Variants in GRIP1 observed in about 807,000 individuals in gnomAD.
GRIP1 encodes glutamate receptor-interacting protein 1.
Under a neutral mutation model 129.9 loss-of-function variants are expected in GRIP1, and 45 were observed. The observed-to-expected ratio is 0.35, with a 90% CI of 0.27 to 0.44. The LOEUF (loss-of-function observed/expected upper bound fraction) is 0.44. Ranked by LOEUF, GRIP1 falls within the 20% of genes least tolerant of loss-of-function variation. GRIP1 has a pLI of 1.00. For missense variants in GRIP1, 1,196 were observed against 1,396.8 expected (o/e 0.86, Z 2.29); for synonymous variants, 530 against 520.8 (o/e 1.02, Z -0.24).
intron 1 of GRIP1, among the ~76,000 whole-genome samples, chr12:66,687,111 A>G (rs1397530911): frequency 6.6e-6 from 1 of 152,222 alleles, no homozygotes; most frequent in East Asian, 1.9e-4. Flanking sequence ...AAACCACTAC[A>G]ATAAAGCCTC....
intron 22 of GRIP1, among the ~76,000 whole-genome samples, chr12:66,374,889 C>T (rs977060876): frequency 2.6e-5 from 4 of 151,972 alleles, no homozygotes; most frequent in Admixed American, 1.3e-4. Context: ...AAAGGTAAAA[C>T]AAATATAAAA....
intron 5 of GRIP1, among the ~76,000 whole-genome samples, chr12:66,525,874 T>C (rs1184156935): frequency 1.3e-5 from 2 of 151,860 alleles, no homozygotes; most frequent in Non-Finnish European, 2.9e-5. Flanking sequence ...ACAAGCATTC[T>C]TATACACCAA....
chr12:66,515,778 A>C lies in GRIP1; in HGVS notation c.579-14T>G. On this transcript the variant is annotated splice_polypyrimidine_tract_variant and intron_variant, in intron 6 of 24. Coordinates refer to ENST00000359742, the MANE Select transcript of GRIP1 (RefSeq NM_001366722.1). Reference sequence around the variant, plus strand: ...ATCGTGCCCTCTCTGAAGGGAGAATAAAGGAATAGTCTTGATTAATTTAGC... The same window carrying C: ...ATCGTGCCCTCTCTGAAGGGAGAATCAAGGAATAGTCTTGATTAATTTAGC... The C allele has an allele frequency of 6.2e-7, 1 of 1,611,568 alleles. No homozygotes were observed. Among genetic ancestry groups the C allele is most frequent in the South Asian group, 1.1e-5 (1 of 91,032 alleles).
rs568465075 is a variant in GRIP1, at chr12:66,396,634, A to C, written c.1985-2282T>G. Among the ~76,000 whole-genome samples, 4 of 152,286 alleles carry C rather than the reference A, an allele frequency of 2.6e-5. No homozygotes were observed. In the South Asian group the frequency reaches 8.3e-4, roughly 32 times the overall value. On this transcript the variant is annotated intron_variant, in intron 16 of 24. Transcript: ENST00000359742. ...CTAGAAGGCAATTGTTAGGTCACCC[A>C]ATGAGTTTAGATAGTGATGGAGATG... is the stretch of plus-strand genomic sequence containing the variant.
At chr12:66,815,854 T>TTCTCTCTCTCTCTCTC (rs1555241803) in intron 1 of GRIP1, among the ~76,000 whole-genome samples, 3 of 116,760 alleles carry the variant, frequency 2.6e-5, no homozygotes, top group East Asian at 3.1e-4. Flanking sequence ...CTTTCTTTCT[T>TTCTCTCTCTCTCTCTC]TCTCTCTCTC....
At chr12:66,386,042 A>C (rs1230285945) in intron 19 of GRIP1, among the ~76,000 whole-genome samples, 4 of 152,154 alleles carry the variant, frequency 2.6e-5, no homozygotes, top group Non-Finnish European at 5.9e-5. Flanking sequence ...ACTGATATTA[A>C]TGTTTAGTTT....
chr12:66,394,359 T>C lies in GRIP1; in HGVS notation c.1985-7A>G, dbSNP rs759632986. On this transcript the variant is annotated splice_region_variant and splice_polypyrimidine_tract_variant and intron_variant, in intron 16 of 24. Transcript: ENST00000359742. ...CCGGAACTTTCTTGCTCATCTGTAA[T>C]AAATGCCAAGGAATCATAATTGATT... The C allele has an allele frequency of 8.1e-6, 13 of 1,613,266 alleles. No homozygotes were observed. Among genetic ancestry groups the C allele is most frequent in the East Asian group, 2.2e-5 (1 of 44,892 alleles).
At chr12:66,874,630 G>A (rs971667127) in intron 1 of GRIP1, among the ~76,000 whole-genome samples, 1 of 151,990 alleles carries the variant, frequency 6.6e-6, no homozygotes, top group African/African-American at 2.4e-5. Context: ...TCACATGGCC[G>A]GAGCAGAAGG....
At chr12:66,838,255 G>A (rs1446350969) in intron 1 of GRIP1, among the ~76,000 whole-genome samples, 3 of 150,948 alleles carry the variant, frequency 2.0e-5, no homozygotes, top group African/African-American at 4.9e-5. Flanking sequence ...ATTCTTTCCA[G>A]AATGGCAGTG....
chr12:66,981,757 T>C (rs562785214), intron 1 of GRIP1, among the ~76,000 whole-genome samples: 1 of 152,346 alleles, frequency 6.6e-6, no homozygotes, highest in African/African-American at 2.4e-5. Flanking sequence ...GTTCAATTGG[T>C]GTAGGTATTC....
At chr12:66,957,903 C>A (rs972013437) in intron 1 of GRIP1, among the ~76,000 whole-genome samples, 1 of 152,216 alleles carries the variant, frequency 6.6e-6, no homozygotes, top group Admixed American at 6.5e-5. Flanking sequence ...CTTGAAAGTG[C>A]AGTATCTGCA....
At chr12:66,757,067 C>T (rs934164616) in intron 1 of GRIP1, among the ~76,000 whole-genome samples, 2 of 152,220 alleles carry the variant, frequency 1.3e-5, no homozygotes, top group Non-Finnish European at 1.5e-5. Context: ...GTATCCATTA[C>T]TTCAAGCATT....
intron 1 of GRIP1, among the ~76,000 whole-genome samples, chr12:66,846,585 AT>A: frequency 6.6e-6 from 1 of 152,210 alleles, no homozygotes; most frequent in East Asian, 1.9e-4. Context: ...AAAATAGTTC[AT>A]TTTGGAGGCT....
chr12:66,909,395 A>C (rs924335249), intron 1 of GRIP1, among the ~76,000 whole-genome samples: 2 of 152,254 alleles, frequency 1.3e-5, no homozygotes, highest in Admixed American at 1.3e-4. Flanking sequence ...GGCTCAAACA[A>C]ATAGGTTATT....
chr12:66,425,831 G>C (rs1219361658), intron 14 of GRIP1, among the ~76,000 whole-genome samples: 1 of 151,956 alleles, frequency 6.6e-6, no homozygotes, highest in Non-Finnish European at 1.5e-5. Flanking sequence ...GTGGGGTGGG[G>C]GAAGGGGGGA....
chr12:66,615,160 T>C (rs78372169), intron 1 of GRIP1, among the ~76,000 whole-genome samples: 5,743 of 152,284 alleles, frequency 0.038, 119 homozygotes, highest in Middle Eastern at 0.058. Flanking sequence ...TCAGTAAGTA[T>C]TGGCTGAATA....
intron 1 of GRIP1, among the ~76,000 whole-genome samples, chr12:67,048,363 T>C (rs2043287412): frequency 2.0e-5 from 3 of 152,202 alleles, no homozygotes; most frequent in Admixed American, 1.3e-4. Context: ...GTTACAGATA[T>C]GCACCGTTCA....
chr12:67,023,536 T>C (rs2042897749), intron 1 of GRIP1, among the ~76,000 whole-genome samples: 1 of 152,216 alleles, frequency 6.6e-6, no homozygotes, highest in African/African-American at 2.4e-5. Context: ...TGCAGCTTTA[T>C]GATATATGCT....
rs566103867 is a variant in GRIP1 at position 66,410,602 on chromosome 12, C to T, written c.1839-4174G>A. On this transcript the variant is annotated intron_variant, in intron 15 of 24. Transcript: ENST00000359742. ...AGGTTACAGTGGGCCGAGATTGCAC[C>T]ACATCACTCAGCCTGGGCATCAGAG... Among the ~76,000 whole-genome samples, 11 of 152,086 alleles carry T rather than the reference C, an allele frequency of 7.2e-5. No homozygotes were observed. In the South Asian group the frequency reaches 2.3e-3, roughly 32 times the overall value.
Sources: allele counts gnomAD v4.1 joint callset (sites outside exome capture counted in the v4.1 genomes callset), GRCh38; gene constraint gnomAD v4.1.1; transcripts MANE v1.5; gene names NCBI Gene and HGNC (gene_info 2026-07-23, HGNC 2026-07-21).